Variants in ZNF385B observed in about 807,000 individuals in gnomAD.
ZNF385B encodes zinc finger protein 533.
In ZNF385B, 23 loss-of-function variants were observed where a neutral mutation model predicts 39.2. The observed-to-expected ratio is 0.59, with a 90% CI of 0.42 to 0.83. The LOEUF is 0.83. Among genes scored for constraint, ZNF385B ranks in the 40% least tolerant of loss-of-function variants. The probability of loss-of-function intolerance (pLI) is 0.00; values close to 1 mark genes in which losing one functional copy is unlikely to be tolerated. For missense variants in ZNF385B, 552 were observed against 598.9 expected (o/e 0.92, Z 0.82); for synonymous variants, 205 against 222.6 (o/e 0.92, Z 0.70).
Position 179,539,882 on chromosome 2 carries a change from A to AT in ZNF385B, c.441+4944dup, listed in dbSNP as rs563967515. ...TTGCTTTATCAAGTCTGTTTACTTCATTTTTTCCTTATAAGTTTATTGGGC... is the reference window on the plus strand; with the variant it reads ...TTGCTTTATCAAGTCTGTTTACTTCATTTTTTTCCTTATAAGTTTATTGGGC... On this transcript the variant is annotated intron_variant, in intron 4 of 9. Transcript: ENST00000410066. Among the ~76,000 whole-genome samples, 4 of 151,822 alleles carry AT rather than the reference A, an allele frequency of 2.6e-5. No homozygotes were observed. The East Asian group carries it at 5.8e-4, about 22-fold the overall frequency.
At chr2:179,502,716 T>C (rs1272461654) in intron 5 of ZNF385B, among the ~76,000 whole-genome samples, 1 of 152,196 alleles carries the variant, frequency 6.6e-6, no homozygotes, top group East Asian at 1.9e-4. Flanking sequence ...AGTATGAGAA[T>C]GGACTAATAC....
chr2:179,709,895 AC>A (rs1299871743), intron 3 of ZNF385B, among the ~76,000 whole-genome samples: 2 of 152,150 alleles, frequency 1.3e-5, no homozygotes, highest in Non-Finnish European at 2.9e-5. Flanking sequence ...CAAGCATGCC[AC>A]ACAGAAAAGT....
intron 3 of ZNF385B, among the ~76,000 whole-genome samples, chr2:179,730,472 A>G (rs1701317693): frequency 6.6e-6 from 1 of 152,140 alleles, no homozygotes; most frequent in Admixed American, 6.5e-5. Context: ...AGCAGTATAA[A>G]CTTTAGTTCT....
chr2:179,537,028 C>T (rs897858226), intron 4 of ZNF385B, among the ~76,000 whole-genome samples: 13 of 152,064 alleles, frequency 8.5e-5, no homozygotes, highest in Middle Eastern at 3.4e-3. Flanking sequence ...GGGTGAGGGA[C>T]GGCCGGGATA....
rs114474843 is a variant in ZNF385B, at chr2:179,548,931, G to T, written c.299-3962C>A. Among the ~76,000 whole-genome samples the T allele has an allele frequency of 1.3e-5, 2 of 149,410 alleles. 1 individual carries two copies. Among genetic ancestry groups the T allele is most frequent in the Non-Finnish European group, 3.0e-5 (2 of 67,612 alleles). The stretch of plus-strand genomic sequence containing the variant: ...TTAGAACATTTTCATGACATCTAAG[G>T]GAAACTTATCCGTTAGCAGTCACTC... On this transcript the variant is annotated intron_variant, in intron 3 of 9. Coordinates refer to ENST00000410066, the MANE Select transcript of ZNF385B (RefSeq NM_152520.6).
intron 3 of ZNF385B, among the ~76,000 whole-genome samples, chr2:179,705,015 C>CT (rs1178832264): frequency 3.6e-4 from 55 of 152,236 alleles, no homozygotes; most frequent in African/African-American, 1.3e-3. Flanking sequence ...GCTCTGCCCC[C>CT]TTTTTTTCCC....
chr2:179,736,414 ATTGG>A (rs1553519786), intron 3 of ZNF385B, among the ~76,000 whole-genome samples: 1 of 152,090 alleles, frequency 6.6e-6, no homozygotes, highest in Non-Finnish European at 1.5e-5. Flanking sequence ...CCCTCAACTC[ATTGG>A]ACCATTAAGC....
chr2:179,455,348 C>A (rs1041992470), intron 6 of ZNF385B, among the ~76,000 whole-genome samples: 1 of 151,808 alleles, frequency 6.6e-6, no homozygotes, highest in South Asian at 2.1e-4. Flanking sequence ...GGGCTGGAGC[C>A]GGTGGGAGGT....
intron 3 of ZNF385B, among the ~76,000 whole-genome samples, chr2:179,735,991 C>CA (rs1202048430): frequency 8.6e-5 from 13 of 151,200 alleles, no homozygotes; most frequent in Non-Finnish European, 1.8e-4. Flanking sequence ...ATGTAACCTG[C>CA]ACAATGTGCA....
At chr2:179,528,793 C>A (rs2059083358) in intron 4 of ZNF385B, among the ~76,000 whole-genome samples, 1 of 152,180 alleles carries the variant, frequency 6.6e-6, no homozygotes, top group African/African-American at 2.4e-5. Context: ...CACAGTAGAT[C>A]CTTGTGTGTA....
At chr2:179,817,964 T>A (rs1707171340) in intron 1 of ZNF385B, among the ~76,000 whole-genome samples, 2 of 152,090 alleles carry the variant, frequency 1.3e-5, no homozygotes, top group Admixed American at 6.5e-5. Context: ...CAAGAGTGTG[T>A]GTGTTTATGT....
chr2:179,815,543 G>T (rs1185424270), intron 1 of ZNF385B, among the ~76,000 whole-genome samples: 1 of 152,108 alleles, frequency 6.6e-6, no homozygotes, highest in Non-Finnish European at 1.5e-5. Context: ...AAATCATTTT[G>T]TTTCAGGAAC....
chr2:179,473,110 G>A (rs181436872), intron 6 of ZNF385B, among the ~76,000 whole-genome samples: 74 of 152,210 alleles, frequency 4.9e-4, no homozygotes, highest in East Asian at 5.8e-4. Flanking sequence ...CATAACAGAC[G>A]AGACACATTA....
intron 3 of ZNF385B, among the ~76,000 whole-genome samples, chr2:179,700,935 C>T (rs1699146100): frequency 1.3e-5 from 2 of 152,164 alleles, no homozygotes. Flanking sequence ...AATCTCTTGA[C>T]CGGGAAGGCG....
At chr2:179,481,105 C>T (rs1364294677) in intron 6 of ZNF385B, 4 of 152,136 alleles carry the variant, frequency 2.6e-5, no homozygotes, top group South Asian at 4.1e-4. Context: ...TCTTAATTCT[C>T]GTTCCTTGTT....
chr2:179,559,461 G>C (rs550465135), intron 3 of ZNF385B, among the ~76,000 whole-genome samples: 1 of 152,202 alleles, frequency 6.6e-6, no homozygotes, highest in African/African-American at 2.4e-5. Flanking sequence ...CATCTCCAAT[G>C]AACACCCAAG....
chr2:179,860,901 A>T (rs1339892662), intron 1 of ZNF385B, 200 bp downstream of exon 1: 1 of 184,954 alleles, frequency 5.4e-6, no homozygotes, highest in East Asian at 1.9e-4. Flanking sequence ...AGGTCGTGGA[A>T]GCCACAGGCG....
chr2:179,677,130 G>T (rs1696942817), intron 3 of ZNF385B, among the ~76,000 whole-genome samples: 1 of 152,160 alleles, frequency 6.6e-6, no homozygotes, highest in African/African-American at 2.4e-5. Context: ...TGCATTCCCA[G>T]CTTGACAAAA....
intron 3 of ZNF385B, among the ~76,000 whole-genome samples, chr2:179,765,546 T>C (rs932809476): frequency 6.6e-6 from 1 of 152,216 alleles, no homozygotes; most frequent in African/African-American, 2.4e-5. Context: ...GCAGGAACTG[T>C]GAGGTATTTC....
Sources: allele counts gnomAD v4.1 joint callset (sites outside exome capture counted in the v4.1 genomes callset), GRCh38; gene constraint gnomAD v4.1.1; transcripts MANE v1.5; gene names NCBI Gene and HGNC (gene_info 2026-07-23, HGNC 2026-07-21).